Variants in CSMD3 observed in about 807,000 individuals in gnomAD.
CSMD3 encodes the protein CUB and Sushi multiple domains 3, also known as CUB and sushi domain-containing protein 3.
CSMD3 carries 177 observed loss-of-function variants against 435.2 expected under a neutral mutation model. That is an observed-to-expected ratio of 0.41 (90% CI 0.36 to 0.46). The LOEUF (loss-of-function observed/expected upper bound fraction) is 0.46. CSMD3 is among the 20% of genes least tolerant of loss of function. CSMD3 has a pLI of 0.34. For synonymous variants in CSMD3, 1,656 were observed against 1,520.5 expected (o/e 1.09, Z -2.07); for missense variants, 4,265 against 4,504.6 (o/e 0.95, Z 1.52).
intron 3 of CSMD3, among the ~76,000 whole-genome samples, chr8:113,265,368 G>T (rs1199762100): frequency 6.6e-6 from 1 of 151,526 alleles, no homozygotes; most frequent in Non-Finnish European, 1.5e-5. Flanking sequence ...ACAAAAGTTT[G>T]ATATGCATTA....
chr8:112,976,604 C>G (rs2084857765), intron 6 of CSMD3, among the ~76,000 whole-genome samples: 1 of 151,454 alleles, frequency 6.6e-6, no homozygotes, highest in Non-Finnish European at 1.5e-5. Flanking sequence ...TATTTTAAGA[C>G]AAGCAAGTGA....
chr8:112,608,191 CA>C (rs1251059901), intron 22 of CSMD3, among the ~76,000 whole-genome samples: 3 of 151,778 alleles, frequency 2.0e-5, no homozygotes, highest in Non-Finnish European at 4.4e-5. Context: ...ATTAAGAAAG[CA>C]ATGCCATGTA....
intron 1 of CSMD3, among the ~76,000 whole-genome samples, chr8:113,320,299 C>T (rs1392044479): frequency 6.6e-6 from 1 of 151,976 alleles, no homozygotes; most frequent in Admixed American, 6.6e-5. Flanking sequence ...TAACAGTGTA[C>T]TTACAGTTGA....
intron 1 of CSMD3, among the ~76,000 whole-genome samples, chr8:113,361,109 C>T (rs1211332385): frequency 6.6e-6 from 1 of 152,096 alleles, no homozygotes; most frequent in Admixed American, 6.5e-5. Flanking sequence ...AACTGAAAAG[C>T]TCCATCTGCT....
At position 113,365,728 on chromosome 8, in the gene CSMD3, T is replaced by C. The variant is rs529014476; in HGVS notation, c.179-50935A>G. On this transcript the variant is annotated intron_variant, in intron 1 of 70. Transcript: ENST00000297405. ...AACATGGGTTTCTATCTGACATATA[T>C]GTGCCTGTCCCACTGTGTCTGTATA... Among the ~76,000 whole-genome samples, 6 of 152,178 alleles carry C rather than the reference T, an allele frequency of 3.9e-5. No individual in the cohort carries two copies. The South Asian group carries it at 1.2e-3, about 32-fold the overall frequency.
intron 68 of CSMD3, 145 bp downstream of exon 68, chr8:112,234,220 T>A: frequency 1.8e-6 from 1 of 552,608 alleles, no homozygotes; most frequent in Non-Finnish European, 3.1e-6. Flanking sequence ...GGCTTGTACT[T>A]TAGAATACTA....
At chr8:112,299,092 T>C (rs1333829562) in intron 53 of CSMD3, among the ~76,000 whole-genome samples, 4 of 152,120 alleles carry the variant, frequency 2.6e-5, no homozygotes, top group Non-Finnish European at 5.9e-5. Flanking sequence ...AGAAGCCTTA[T>C]ACAAAAGAGT....
intron 13 of CSMD3, among the ~76,000 whole-genome samples, chr8:112,708,028 A>G (rs1267160552): frequency 6.6e-6 from 1 of 152,084 alleles, no homozygotes; most frequent in African/African-American, 2.4e-5. Flanking sequence ...ATGATATACA[A>G]TTAATTTAAA....
At chr8:112,821,850 T>C (rs953379300) in intron 12 of CSMD3, among the ~76,000 whole-genome samples, 18 of 152,164 alleles carry the variant, frequency 1.2e-4, no homozygotes, top group Non-Finnish European at 2.2e-4. Flanking sequence ...AAGGGTCCAG[T>C]TTCAGTTTTC....
intron 12 of CSMD3, among the ~76,000 whole-genome samples, chr8:112,816,159 G>C (rs1450563020): frequency 1.3e-5 from 2 of 152,096 alleles, no homozygotes; most frequent in African/African-American, 2.4e-5. Flanking sequence ...ATGTGTCTTG[G>C]AGTAGAATAT....
intron 4 of CSMD3, among the ~76,000 whole-genome samples, chr8:113,113,815 A>C (rs762458542): frequency 9.2e-5 from 14 of 152,218 alleles, no homozygotes; most frequent in Admixed American, 2.0e-4. Context: ...CATGAAATCA[A>C]TTCTTTGAAA....
At chr8:113,219,064 T>C (rs1188876090) in intron 3 of CSMD3, among the ~76,000 whole-genome samples, 1 of 151,412 alleles carries the variant, frequency 6.6e-6, no homozygotes, top group Non-Finnish European at 1.5e-5. Flanking sequence ...CAGGAATGGA[T>C]GGATATTTCC....
chr8:112,578,656 A>T (rs1830122231), intron 23 of CSMD3, among the ~76,000 whole-genome samples: 1 of 152,090 alleles, frequency 6.6e-6, no homozygotes, highest in Non-Finnish European at 1.5e-5. Flanking sequence ...TAAGGTTTTT[A>T]AAATAACATT....
chr8:112,490,348 C>T (rs1820559487), intron 31 of CSMD3, among the ~76,000 whole-genome samples: 1 of 152,096 alleles, frequency 6.6e-6, no homozygotes, highest in African/African-American at 2.4e-5. Context: ...AACTATTCAA[C>T]CAACATTAAG....
chr8:112,590,940 A>C lies in CSMD3; in HGVS notation c.3716-3705T>G, dbSNP rs576859873. 8.5e-5 allele frequency among the ~76,000 whole-genome samples: 13 copies of C among 152,220 alleles called. 1 individual carries two copies. In the South Asian group the frequency reaches 2.3e-3, roughly 27 times the overall value. ...TTTGATAATAAGGATTTCCTACAAA[A>C]TAATAAATGTAAAGCTATTAATAGG... On this transcript the variant is annotated intron_variant, in intron 22 of 70. Transcript: ENST00000297405.
intron 1 of CSMD3, among the ~76,000 whole-genome samples, chr8:113,345,884 T>C (rs2132874577): frequency 6.6e-6 from 1 of 152,096 alleles, no homozygotes; most frequent in South Asian, 2.1e-4. Flanking sequence ...GCTCCAGAAC[T>C]TAGCTGTCCA....
chr8:112,392,191 C>A (rs1830471615), intron 35 of CSMD3, among the ~76,000 whole-genome samples: 1 of 151,622 alleles, frequency 6.6e-6, no homozygotes, highest in Admixed American at 6.6e-5. Flanking sequence ...GGGAATTTGT[C>A]CTAGTATGGC....
chr8:112,713,986 CA>C (rs1563884792), intron 13 of CSMD3, among the ~76,000 whole-genome samples: 1 of 152,104 alleles, frequency 6.6e-6, no homozygotes, highest in African/African-American at 2.4e-5. Flanking sequence ...AATATAAATA[CA>C]AAGACACTAT....
At chr8:112,947,477 C>T (rs995138903) in intron 9 of CSMD3, among the ~76,000 whole-genome samples, 1 of 151,390 alleles carries the variant, frequency 6.6e-6, no homozygotes, top group Non-Finnish European at 1.5e-5. Flanking sequence ...GCAACTTACC[C>T]AAGATCAGAC....
Sources: allele counts gnomAD v4.1 joint callset (sites outside exome capture counted in the v4.1 genomes callset), GRCh38; gene constraint gnomAD v4.1.1; transcripts MANE v1.5; gene names NCBI Gene and HGNC (gene_info 2026-07-23, HGNC 2026-07-21).